Variants in MYRFL observed in about 807,000 individuals in gnomAD.
MYRFL encodes myelin regulatory factor-like protein.
MYRFL carries 88 observed loss-of-function variants against 109.4 expected under a neutral mutation model. That is an observed-to-expected ratio of 0.80 (90% CI 0.68 to 0.96). The LOEUF is 0.96. Among genes scored for constraint, MYRFL ranks in the 40% least tolerant of loss-of-function variants. The probability of loss-of-function intolerance (pLI) is 0.00; values close to 1 mark genes in which losing one functional copy is unlikely to be tolerated. For missense variants in MYRFL, 957 were observed against 954.9 expected (o/e 1.00, Z -0.03); for synonymous variants, 324 against 320.9 (o/e 1.01, Z -0.10).
intron 19 of MYRFL, among the ~76,000 whole-genome samples, chr12:69,951,077 G>A (rs1171885518): frequency 6.6e-6 from 1 of 152,180 alleles, no homozygotes; most frequent in Non-Finnish European, 1.5e-5. Flanking sequence ...ATGCCCTTCA[G>A]TATGGTGACA....
At chr12:69,889,714 G>A (rs1381624106) in intron 6 of MYRFL, among the ~76,000 whole-genome samples, 2 of 152,098 alleles carry the variant, frequency 1.3e-5, no homozygotes, top group African/African-American at 2.4e-5. Context: ...AAATTGGTTG[G>A]GCATGGTAGC....
In MYRFL at chr12:69,866,284, A is replaced by T. The variant is rs577168034; in HGVS notation, c.137+10914A>T. On this transcript the variant is annotated intron_variant, in intron 2 of 24. Coordinates refer to ENST00000552032, the MANE Select transcript of MYRFL (RefSeq NM_182530.3). ...GGAGAGCCCTATGATCAGATAACCTATACTTGATTAAAAAAATGCTCAGAT... is the reference window on the plus strand; with the variant it reads ...GGAGAGCCCTATGATCAGATAACCTTTACTTGATTAAAAAAATGCTCAGAT... 3.9e-5 allele frequency among the ~76,000 whole-genome samples: 6 copies of T among 152,208 alleles called. No individual in the cohort carries two copies. The South Asian group carries it at 1.2e-3, about 32-fold the overall frequency.
rs866132002 is a variant in MYRFL, at chr12:69,890,987, C to T, written c.724C>T (p.Arg242Ter). The T allele has an allele frequency of 1.2e-5, 18 of 1,523,030 alleles. No homozygotes were observed. Among genetic ancestry groups the T allele is most frequent in the South Asian group, 4.9e-5 (4 of 80,924 alleles). 94.3% of individuals were successfully genotyped at this position (1,523,030 alleles called of 1,614,324 possible). A position where few individuals can be genotyped will look rare whatever the true frequency, so the allele number is the denominator to read the frequency against. The change falls in exon 7 of 25, where the codon CGA becomes TGA. Residue 242 changes from arginine to a stop codon, truncating the protein, a stop_gained. Coordinates refer to ENST00000552032, the MANE Select transcript of MYRFL (RefSeq NM_182530.3). LOFTEE classifies it high-confidence loss of function. ...TTTTCATAGACCTGATGTGGGCTAT[C>T]GAGTTGTAACAGACAAAGGATTTAA... The part of the protein sequence containing the change: ...HYEKLPDVGY[R>*]VVTDKGFNFS...
At chr12:69,873,086 A>G (rs150201597) in intron 2 of MYRFL, among the ~76,000 whole-genome samples, 2 of 152,164 alleles carry the variant, frequency 1.3e-5, no homozygotes, top group Admixed American at 1.3e-4. Flanking sequence ...TGCTATGCAC[A>G]AATTTCTTTT....
intron 7 of MYRFL, among the ~76,000 whole-genome samples, chr12:69,891,635 CTTTTTCTTTCTTTCTT>C (rs1886855217): frequency 8.0e-5 from 1 of 12,442 alleles, no homozygotes; most frequent in African/African-American, 2.7e-4. Flanking sequence ...TCCTTCCTTT[CTTTTTCTTTCTTTCTT>C]TCTTTCTTTC....
chr12:69,872,080 A>G (rs1182444256), intron 2 of MYRFL, among the ~76,000 whole-genome samples: 1 of 134,698 alleles, frequency 7.4e-6, no homozygotes, highest in Non-Finnish European at 1.8e-5. Context: ...TATTAAGTAC[A>G]TAAACAATCA....
At chr12:69,903,136 A>C (rs1178717627) in intron 10 of MYRFL, among the ~76,000 whole-genome samples, 1 of 152,216 alleles carries the variant, frequency 6.6e-6, no homozygotes, top group Admixed American at 6.5e-5. Flanking sequence ...TATATTAAAT[A>C]TATTTGTATT....
intron 19 of MYRFL, among the ~76,000 whole-genome samples, chr12:69,939,020 C>T (rs1010121455): frequency 1.9e-4 from 29 of 152,216 alleles, no homozygotes; most frequent in Admixed American, 9.2e-4. Context: ...GATTATATCC[C>T]GCACCTGGCT....
At chr12:69,840,092 G>A (rs192412188) in intron 1 of MYRFL, among the ~76,000 whole-genome samples, 4 of 152,102 alleles carry the variant, frequency 2.6e-5, no homozygotes, top group East Asian at 1.9e-4. Context: ...TAGAAAAACC[G>A]ATGCAAACAT....
In MYRFL at chr12:69,825,581, A is replaced by G. The variant is rs150328476; in HGVS notation, c.46+18A>G. 1 of 700,176 alleles carries G rather than the reference A, an allele frequency of 1.4e-6. No individual in the cohort carries two copies. The highest frequency in any genetic ancestry group is 2.6e-6 in the Non-Finnish European group (1 of 383,796). 43.4% of individuals were successfully genotyped at this position (700,176 alleles called of 1,614,324 possible). On this transcript the variant is annotated intron_variant, in intron 1 of 24. Coordinates refer to ENST00000552032, the MANE Select transcript of MYRFL (RefSeq NM_182530.3). ...CTTTGAAGGTAAGAGGCCAATTTCC[A>G]GCATGAATTTGCTGCTTCTGAGAAA...
At chr12:69,842,453 GT>G (rs11296489) in intron 1 of MYRFL, among the ~76,000 whole-genome samples, 47,271 of 152,038 alleles carry the variant, frequency 0.31, 7,716 homozygotes, top group Admixed American at 0.37. Flanking sequence ...TCTACATCCT[GT>G]TCTGGATGCT....
chr12:69,839,997 A>G (rs1160443023), intron 1 of MYRFL, among the ~76,000 whole-genome samples: 1 of 152,214 alleles, frequency 6.6e-6, no homozygotes, highest in Non-Finnish European at 1.5e-5. Context: ...TTGTCTTTTC[A>G]AAACCTATGA....
In MYRFL at chr12:69,958,327, A is replaced by G. The variant is rs1366517766; in HGVS notation, c.2646+4A>G. Reference sequence around the variant, plus strand: ...CCATTTCCGTGTAGCTGCACCGGTAAGCTTGCTTTTTCTTTTTCTTTTCAG... The same window carrying G: ...CCATTTCCGTGTAGCTGCACCGGTAGGCTTGCTTTTTCTTTTTCTTTTCAG... On this transcript the variant is annotated splice_donor_region_variant and intron_variant, in intron 24 of 24. Transcript: ENST00000552032. 4 of 1,535,420 alleles carry G rather than the reference A, an allele frequency of 2.6e-6. No homozygotes were observed. In the Admixed American group the frequency reaches 7.9e-5, roughly 30 times the overall value.
intron 15 of MYRFL, 115 bp from the exon 16 acceptor site, chr12:69,932,398 A>G (rs2120467743): frequency 3.0e-6 from 2 of 656,212 alleles, no homozygotes; most frequent in Non-Finnish European, 5.3e-6. Context: ...TGAGGCAAGC[A>G]CTCAAACTAT....
intron 15 of MYRFL, among the ~76,000 whole-genome samples, chr12:69,930,991 T>C (rs1019705289): frequency 1.3e-5 from 2 of 152,178 alleles, no homozygotes; most frequent in African/African-American, 4.8e-5. Flanking sequence ...TGAGAGCCAT[T>C]ACACTGTTCA....
chr12:69,950,075 TG>T (rs1188037204), intron 19 of MYRFL, among the ~76,000 whole-genome samples: 1 of 152,040 alleles, frequency 6.6e-6, no homozygotes, highest in Non-Finnish European at 1.5e-5. Context: ...TAACATTTCA[TG>T]TTCAAGTTAT....
rs537074573 is a variant in MYRFL at position 69,891,007 on chromosome 12, A to G, written c.744A>G (p.Gly248=). ...DVGYRVVTDK[G]FNFSPADEAF... is the part of the protein sequence containing the mutation. ...GCTATCGAGTTGTAACAGACAAAGGATTTAATTTTTCACCAGCAGATGAAG... is the reference window on the plus strand; with the variant it reads ...GCTATCGAGTTGTAACAGACAAAGGGTTTAATTTTTCACCAGCAGATGAAG... Residue 248 remains glycine, a synonymous_variant, in exon 7 of 25, where the codon GGA becomes GGG. Transcript: ENST00000552032. The G allele has an allele frequency of 2.6e-4, 393 of 1,533,748 alleles. No individual in the cohort carries two copies. Among genetic ancestry groups the G allele is most frequent in the Non-Finnish European group, 3.2e-4 (365 of 1,145,934 alleles).
intron 1 of MYRFL, among the ~76,000 whole-genome samples, chr12:69,846,589 G>A (rs1210042767): frequency 3.3e-5 from 5 of 151,882 alleles, no homozygotes; most frequent in Middle Eastern, 3.2e-3. Context: ...TCTTAATCCA[G>A]TCTATCATTG....
At chr12:69,927,660 A>G in intron 14 of MYRFL, 25 bp from the exon 15 acceptor site, 1 of 1,519,444 alleles carries the variant, frequency 6.6e-7, no homozygotes, top group Non-Finnish European at 8.8e-7. Flanking sequence ...TTTGAATAGT[A>G]ACCAATTTTC....
Sources: gnomAD v4.1 joint callset for allele counts (sites outside exome capture counted in the v4.1 genomes callset) on GRCh38, gnomAD v4.1.1 for gene constraint, MANE v1.5 for transcripts, NCBI Gene and HGNC (gene_info 2026-07-23, HGNC 2026-07-21) for gene names.